The following USP43 variants were observed in gnomAD, a reference collection of about 807,000 sequenced individuals.
USP43 encodes the protein ubiquitin specific peptidase 43.
USP43 carries 33 observed loss-of-function variants against 90.7 expected under a neutral mutation model. That is an observed-to-expected ratio of 0.36 (90% CI 0.28 to 0.49). USP43 has a LOEUF of 0.49. Among genes scored for constraint, USP43 ranks in the 20% least tolerant of loss-of-function variants. USP43 has a pLI of 0.98. For missense variants in USP43, 1,274 were observed against 1,476.4 expected, an observed-to-expected ratio of 0.86 and a Z score of 2.25; for synonymous variants, 598 against 615.8, an observed-to-expected ratio of 0.97 and a Z score of 0.43.
At chr17:9,696,543 C>T (rs890994612) in intron 9 of USP43, among the ~76,000 whole-genome samples, 1 of 152,206 alleles carries the variant, frequency 6.6e-6, no homozygotes, top group African/African-American at 2.4e-5. Flanking sequence ...CCTGCCTGTC[C>T]TACTTAAATG....
chr17:9,667,830 T>C (rs1055458721), intron 3 of USP43, among the ~76,000 whole-genome samples: 5 of 152,202 alleles, frequency 3.3e-5, no homozygotes, highest in African/African-American at 1.2e-4. Context: ...GTTGCCAATA[T>C]ATATAATCAT....
chr17:9,667,635 T>C (rs892599233), intron 3 of USP43, among the ~76,000 whole-genome samples: 1 of 152,192 alleles, frequency 6.6e-6, no homozygotes, highest in South Asian at 2.1e-4. Flanking sequence ...GCAGGATGAA[T>C]AGAAGTACGA....
intron 1 of USP43, among the ~76,000 whole-genome samples, chr17:9,648,091 CCTAT>C (rs953157157): frequency 1.3e-5 from 2 of 152,168 alleles, no homozygotes; most frequent in Non-Finnish European, 2.9e-5. Flanking sequence ...ACCAGAATTC[CCTAT>C]CTCTCTCCCG....
At chr17:9,649,550 C>T (rs532907977) in intron 1 of USP43, among the ~76,000 whole-genome samples, 63 of 151,770 alleles carry the variant, frequency 4.2e-4, no homozygotes, top group African/African-American at 1.4e-3. Flanking sequence ...TTCTGCGGTT[C>T]TCAGTGTCTA....
chr17:9,689,082 A>G (rs1275004265), intron 8 of USP43, among the ~76,000 whole-genome samples: 1 of 152,030 alleles, frequency 6.6e-6, no homozygotes, highest in Non-Finnish European at 1.5e-5. Flanking sequence ...GCTTTTTCAC[A>G]GATTCACGGG....
At chr17:9,694,887 G>A (rs1189255894) in intron 9 of USP43, among the ~76,000 whole-genome samples, 1 of 152,194 alleles carries the variant, frequency 6.6e-6, no homozygotes, top group Non-Finnish European at 1.5e-5. Context: ...GCCTCCCAAA[G>A]TGGTGGGATT....
intron 14 of USP43, among the ~76,000 whole-genome samples, chr17:9,725,782 G>A (rs1033139403): frequency 8.5e-5 from 13 of 152,266 alleles, no homozygotes; most frequent in Non-Finnish European, 1.3e-4. Context: ...AACTCCTCTC[G>A]CCACCTGCCG....
rs1396487869 is a variant in USP43 at position 9,728,350 on chromosome 17, C to T, written c.2732C>T (p.Thr911Ile). Reference sequence around the variant, plus strand: ...CCTGGAAACTCAGATGGTCCAAACACAGCAAGGAAACTCAAGGAAAATGCA... The same window carrying T: ...CCTGGAAACTCAGATGGTCCAAACATAGCAAGGAAACTCAAGGAAAATGCA... ...LAPGNSDGPN[T>I]ARKLKENAGQ... Residue 911 changes from threonine to isoleucine, a missense_variant, in exon 15 of 15, where the codon ACA (threonine) becomes ATA (isoleucine). By Grantham distance (89) the Thr-to-Ile change is moderately conservative. Transcript: ENST00000285199. This position sits in a 1 kb window ranked among gnomAD's most constrained non-coding sequence, Gnocchi z 6.2. The T allele has an allele frequency of 6.2e-7, 1 of 1,611,502 alleles. No homozygotes were observed. Among genetic ancestry groups the T allele is most frequent in the Non-Finnish European group, 8.5e-7 (1 of 1,178,862 alleles).
At chr17:9,705,057 A>G (rs1221807540) in intron 12 of USP43, among the ~76,000 whole-genome samples, 1 of 152,138 alleles carries the variant, frequency 6.6e-6, no homozygotes, top group Non-Finnish European at 1.5e-5. Context: ...CACGGCCTAA[A>G]AAAGATGGAC....
At position 9,709,836 on chromosome 17, in the gene USP43, A is replaced by G. The variant is rs1173623819; in HGVS notation, c.2012-120A>G. The G allele has an allele frequency of 3.5e-6, 4 of 1,128,050 alleles. No homozygotes were observed. In the East Asian group the frequency reaches 1.3e-4, roughly 36 times the overall value. 69.9% of individuals were successfully genotyped at this position (1,128,050 alleles called of 1,614,324 possible). On this transcript the variant is annotated intron_variant, in intron 12 of 14. Transcript: ENST00000285199. This position sits in a 1 kb window ranked among gnomAD's most constrained non-coding sequence, Gnocchi z 5.0. Reference sequence around the variant, plus strand: ...AAAAAAAATTCATTTCTGGCCAAAAATGGACTGTTTTTTTCTCATTCTGGT... The same window carrying G: ...AAAAAAAATTCATTTCTGGCCAAAAGTGGACTGTTTTTTTCTCATTCTGGT...
chr17:9,724,064 C>G (rs1423710377), intron 14 of USP43, among the ~76,000 whole-genome samples: 2 of 152,198 alleles, frequency 1.3e-5, no homozygotes, highest in Non-Finnish European at 2.9e-5. Context: ...TTATTCTTCT[C>G]TGACCGCCAG....
chr17:9,688,814 G>A (rs1279039066), intron 8 of USP43, among the ~76,000 whole-genome samples: 1 of 152,194 alleles, frequency 6.6e-6, no homozygotes, highest in Non-Finnish European at 1.5e-5. Flanking sequence ...CGCCTCCTGA[G>A]TAGCTGGGAC....
At chr17:9,710,564 G>T (rs910001588) in intron 13 of USP43, among the ~76,000 whole-genome samples, 4 of 143,546 alleles carry the variant, frequency 2.8e-5, no homozygotes, top group Non-Finnish European at 6.0e-5. Context: ...GAGTGCAGTG[G>T]CATGATCTTG....
intron 9 of USP43, among the ~76,000 whole-genome samples, chr17:9,694,874 T>A (rs1366287451): frequency 6.6e-6 from 1 of 152,208 alleles, no homozygotes; most frequent in Non-Finnish European, 1.5e-5. Context: ...TCCACCTGCC[T>A]CTGCCTCCCA....
chr17:9,649,655 T>C (rs1911719455), intron 1 of USP43, among the ~76,000 whole-genome samples: 1 of 144,172 alleles, frequency 6.9e-6, no homozygotes, highest in Non-Finnish European at 1.5e-5. Flanking sequence ...TTTCTAATGA[T>C]GTAATTAAAT....
intron 2 of USP43, among the ~76,000 whole-genome samples, chr17:9,658,262 T>C (rs1031206574): frequency 6.6e-5 from 10 of 152,258 alleles, no homozygotes; most frequent in Non-Finnish European, 1.3e-4. Context: ...GAATGAACAG[T>C]GCAGGAAGCT....
intron 1 of USP43, among the ~76,000 whole-genome samples, chr17:9,654,810 T>C (rs1384324231): frequency 6.6e-6 from 1 of 151,976 alleles, no homozygotes; most frequent in Non-Finnish European, 1.5e-5. Context: ...CAATCTCTCC[T>C]CACTGCAACC....
At chr17:9,711,837 G>T in intron 13 of USP43, 131 bp from the exon 14 acceptor site, 3 of 1,084,392 alleles carry the variant, frequency 2.8e-6, no homozygotes, top group Non-Finnish European at 3.7e-6. Context: ...GGTTTCTGCA[G>T]TTCTGTTCTG....
rs1444114597 is a variant in USP43 at position 9,674,939 on chromosome 17, T to C, written c.789T>C (p.Asp263=). 1.9e-6 allele frequency: 3 copies of C among 1,613,932 alleles called. No homozygotes were observed. In the Admixed American group the frequency reaches 5.0e-5, roughly 27 times the overall value. Residue 263 remains aspartate, a synonymous_variant, in exon 4 of 15, where the codon GAT becomes GAC. Coordinates refer to ENST00000285199, the MANE Select transcript of USP43 (RefSeq NM_153210.5). The surrounding 1 kb of genome is among the most constrained non-coding windows in gnomAD (Gnocchi z 4.4). ...GCCTGAAACAGAGCAACACCTTTGA[T>C]CCTTTCCTGTGTGTGTCCCTACCTA... ...PHCLKQSNTF[D]PFLCVSLPIP...
Sources: allele counts gnomAD v4.1 joint callset (sites outside exome capture counted in the v4.1 genomes callset), GRCh38; gene constraint gnomAD v4.1.1; non-coding constraint Gnocchi (gnomAD v3.1); transcripts MANE v1.5; gene names NCBI Gene and HGNC (gene_info 2026-07-23, HGNC 2026-07-21).